Variants in THSD4 observed in about 807,000 individuals in gnomAD.
The protein encoded by THSD4 is thrombospondin type 1 domain containing 4.
Under a neutral mutation model 119.0 loss-of-function variants are expected in THSD4, and 69 were observed. The observed-to-expected ratio is 0.58, with a 90% CI of 0.48 to 0.71. THSD4 has a LOEUF of 0.71. THSD4 is among the 30% of genes least tolerant of loss of function. The probability of loss-of-function intolerance (pLI) is 0.00; values close to 1 mark genes in which losing one functional copy is unlikely to be tolerated. For synonymous variants in THSD4, 524 were observed against 540.4 expected (o/e 0.97, Z 0.42); for missense variants, 1,393 against 1,391.1 (o/e 1.00, Z -0.02).
chr15:71,199,728 G>GATGCA (rs1596264894), intron 3 of THSD4, among the ~76,000 whole-genome samples: 45 of 47,124 alleles, frequency 9.5e-4, no homozygotes, highest in African/African-American at 1.2e-3. Context: ...TGTGTGTGTA[G>GATGCA]TGTGTGTGTA....
chr15:71,199,783 G>GGTTTGTGCTGT (rs1555454629), intron 3 of THSD4, among the ~76,000 whole-genome samples: 6 of 97,934 alleles, frequency 6.1e-5, no homozygotes, highest in Non-Finnish European at 1.3e-4. Context: ...GTGGTGTGTG[G>GGTTTGTGCTGT]GTGTGTGCTG....
upstream of THSD4, chr15:71,115,213 T>G (rs1299383566): frequency 2.6e-5 from 4 of 153,148 alleles, no homozygotes; most frequent in African/African-American, 9.6e-5. The surrounding 1 kb of genome is among the most constrained non-coding windows in gnomAD (Gnocchi z 4.4). Flanking sequence ...CCTGGCCAGC[T>G]GGGCCACTCT....
At chr15:71,421,458 G>A (rs964507183) in intron 7 of THSD4, among the ~76,000 whole-genome samples, 1 of 152,158 alleles carries the variant, frequency 6.6e-6, no homozygotes, top group African/African-American at 2.4e-5. Context: ...TGGTAAAAGT[G>A]TCATTCCTTT....
chr15:71,201,965 G>A (rs887511432), intron 3 of THSD4, among the ~76,000 whole-genome samples: 1 of 152,194 alleles, frequency 6.6e-6, no homozygotes, highest in Non-Finnish European at 1.5e-5. Context: ...GGGCCAGAAG[G>A]TTCAGATCAA....
intron 7 of THSD4, among the ~76,000 whole-genome samples, chr15:71,421,476 T>G (rs144974818): frequency 6.6e-6 from 1 of 152,214 alleles, no homozygotes. Context: ...TTTAGCACTT[T>G]AAATATGTGA....
chr15:71,119,700 C>T (rs931573093), intron 1 of THSD4, among the ~76,000 whole-genome samples: 9 of 152,244 alleles, frequency 5.9e-5, no homozygotes, highest in African/African-American at 1.9e-4. Flanking sequence ...TGGGTTTGTT[C>T]AAGAGCCCCA....
chr15:71,468,558 C>T (rs1263494047), intron 7 of THSD4, among the ~76,000 whole-genome samples: 1 of 152,158 alleles, frequency 6.6e-6, no homozygotes, highest in Non-Finnish European at 1.5e-5. Flanking sequence ...TTCCTATTAA[C>T]ATTAGTTTTA....
chr15:71,394,654 C>G (rs2046422781), intron 6 of THSD4, among the ~76,000 whole-genome samples: 1 of 152,158 alleles, frequency 6.6e-6, no homozygotes, highest in Non-Finnish European at 1.5e-5. Context: ...CCCTACTCCT[C>G]CTTCACAGAG....
At chr15:71,663,468 G>A (rs2051353570) in intron 8 of THSD4, among the ~76,000 whole-genome samples, 1 of 152,174 alleles carries the variant, frequency 6.6e-6, no homozygotes, top group Non-Finnish European at 1.5e-5. Flanking sequence ...TCCTTCTAGA[G>A]CACTTACGTC....
In THSD4 at chr15:71,154,998, C is replaced by T. The variant is rs2040762661; in HGVS notation, c.99+66C>T. 15 of 1,510,926 alleles carry T rather than the reference C, an allele frequency of 9.9e-6. 1 individual carries two copies. The South Asian group carries it at 1.7e-4, about 17-fold the overall frequency. The allele number at this position is 1,510,926 out of a possible 1,614,324, so 93.6% of individuals were successfully genotyped here. On this transcript the variant is annotated intron_variant, in intron 3 of 17. Coordinates refer to ENST00000261862, the MANE Select transcript of THSD4 (RefSeq NM_024817.3). ...GGGCTAGGGCCACTGTGGTCACTGC[C>T]CTGAACTTTGTTCTGTTTGAAGGTG...
At chr15:71,236,319 C>T (rs1307341046) in intron 4 of THSD4, among the ~76,000 whole-genome samples, 5 of 152,214 alleles carry the variant, frequency 3.3e-5, no homozygotes, top group African/African-American at 9.6e-5. Flanking sequence ...ACAGCTTTGC[C>T]TGGGTGGCTT....
intron 6 of THSD4, among the ~76,000 whole-genome samples, chr15:71,270,725 G>C (rs2044518382): frequency 6.6e-6 from 1 of 152,018 alleles, no homozygotes; most frequent in South Asian, 2.1e-4. Context: ...GGTCAACACT[G>C]CTGAACATCA....
chr15:71,221,455 C>T (rs72759633), intron 4 of THSD4, among the ~76,000 whole-genome samples: 12,356 of 152,226 alleles, frequency 0.081, 646 homozygotes, highest in South Asian at 0.12. Flanking sequence ...TCCCCCACCG[C>T]AGCCCTTAGC....
chr15:71,236,201 AAC>A (rs1174257357), intron 4 of THSD4, among the ~76,000 whole-genome samples: 3 of 152,186 alleles, frequency 2.0e-5, no homozygotes. Flanking sequence ...GAGCCTAAGA[AAC>A]ACAAAACAGC....
At chr15:71,435,849 T>C (rs373142523) in intron 7 of THSD4, among the ~76,000 whole-genome samples, 2 of 152,182 alleles carry the variant, frequency 1.3e-5, no homozygotes, top group African/African-American at 4.8e-5. Context: ...GCAACAAAGA[T>C]GGAAGCAACA....
intron 6 of THSD4, among the ~76,000 whole-genome samples, chr15:71,381,906 A>G (rs2140454096): frequency 6.6e-6 from 1 of 152,280 alleles, no homozygotes; most frequent in South Asian, 2.1e-4. Flanking sequence ...TCAGTTTAAT[A>G]TCTCTTTTTT....
chr15:71,719,933 C>T (rs575128738), intron 8 of THSD4, among the ~76,000 whole-genome samples: 1 of 152,092 alleles, frequency 6.6e-6, no homozygotes, highest in Admixed American at 6.5e-5. Flanking sequence ...GCCTCGGCCT[C>T]GCAAAGTGCT....
At chr15:71,409,476 T>G (rs1402534057) in intron 6 of THSD4, among the ~76,000 whole-genome samples, 1 of 152,210 alleles carries the variant, frequency 6.6e-6, no homozygotes, top group Non-Finnish European at 1.5e-5. Flanking sequence ...CTTAAGCCTG[T>G]TTTTTAATCT....
chr15:71,738,237 C>T, intron 11 of THSD4: 1 of 566,312 alleles, frequency 1.8e-6, no homozygotes, highest in African/African-American at 1.9e-5. Flanking sequence ...ACCTAGATCC[C>T]TTGCCTGCAC....
Sources: gnomAD v4.1 joint callset for allele counts (sites outside exome capture counted in the v4.1 genomes callset) on GRCh38, gnomAD v4.1.1 for gene constraint, Gnocchi (gnomAD v3.1) non-coding constraint, MANE v1.5 for transcripts, NCBI Gene and HGNC (gene_info 2026-07-23, HGNC 2026-07-21) for gene names.